The following EYA1 variants were observed in gnomAD, a reference collection of about 807,000 sequenced individuals.
EYA1 encodes protein phosphatase EYA1.
A neutral mutation model predicts 82.0 loss-of-function variants in EYA1; 16 were observed. The ratio of observed to expected loss-of-function variants is 0.20; its 90% CI spans 0.13 to 0.30. EYA1 has a LOEUF of 0.30. Ranked by LOEUF, EYA1 falls within the 10% of genes least tolerant of loss-of-function variation. EYA1 has a pLI of 1.00. For missense variants in EYA1, 633 were observed against 730.7 expected, an observed-to-expected ratio of 0.87 and a Z score of 1.54; for synonymous variants, 261 against 264.4, an observed-to-expected ratio of 0.99 and a Z score of 0.12.
In EYA1 at chr8:71,331,610, A is replaced by C. The variant is rs920271663; in HGVS notation, c.202+2487T>G. 2.9e-4 allele frequency among the ~76,000 whole-genome samples: 44 copies of C among 152,114 alleles called. No individual in the cohort carries two copies. In the East Asian group the frequency reaches 8.3e-3, roughly 29 times the overall value. ...AGAATCACTGTTAATTTTTAGACCC[A>C]TATACACAGGCCCATATATGTACAT... On this transcript the variant is annotated intron_variant, in intron 4 of 17. Coordinates refer to ENST00000340726, the MANE Select transcript of EYA1 (RefSeq NM_000503.6).
chr8:71,283,200 C>A (rs2128973115), intron 9 of EYA1, among the ~76,000 whole-genome samples: 1 of 152,230 alleles, frequency 6.6e-6, no homozygotes. Flanking sequence ...AAAAGCACAG[C>A]CCCACCTCCA....
At position 71,329,942 on chromosome 8, in the gene EYA1, C is replaced by T. The variant is rs933969697; in HGVS notation, c.202+4155G>A. On this transcript the variant is annotated intron_variant, in intron 4 of 17. Transcript: ENST00000340726. ...GCAGAGCTGCACCGAGTCAAGTGGT[C>T]AGGGTGGGCCTCGATGAGGTGAGAT... 2.7e-4 allele frequency among the ~76,000 whole-genome samples: 41 copies of T among 152,064 alleles called. 2 individuals carry two copies. The highest frequency in any genetic ancestry group is 2.7e-3 in the Admixed American group (41 of 15,272).
chr8:71,267,345 C>T (rs890989431), intron 11 of EYA1, among the ~76,000 whole-genome samples: 3 of 152,164 alleles, frequency 2.0e-5, no homozygotes, highest in Non-Finnish European at 4.4e-5. Flanking sequence ...GCTTACAACA[C>T]CCTTTCTCCT....
At chr8:71,408,074 G>A (rs372567867) in intron 2 of EYA1, among the ~76,000 whole-genome samples, 1 of 151,934 alleles carries the variant, frequency 6.6e-6, no homozygotes, top group Admixed American at 6.6e-5. Context: ...TATTCAACAT[G>A]CTTAAAGAAA....
intron 1 of EYA1, 123 bp downstream of exon 1, chr8:71,361,524 A>G (rs763871506): frequency 2.8e-6 from 1 of 361,676 alleles, no homozygotes; most frequent in Non-Finnish European, 3.8e-6. Flanking sequence ...TCCCCATGCC[A>G]TAATGTTTTT....
intron 3 of EYA1, among the ~76,000 whole-genome samples, chr8:71,335,991 T>C (rs1824441530): frequency 6.6e-6 from 1 of 152,192 alleles, no homozygotes; most frequent in African/African-American, 2.4e-5. Flanking sequence ...GTCAGTTATT[T>C]ATAGACATTA....
intron 12 of EYA1, among the ~76,000 whole-genome samples, chr8:71,242,508 A>ACTG (rs148914307): frequency 0.034 from 5,200 of 152,218 alleles, 294 homozygotes; most frequent in African/African-American, 0.12. Flanking sequence ...AACTTCATAG[A>ACTG]CTGCTTTTTC....
chr8:71,413,088 G>A (rs1830692467), intron 2 of EYA1, among the ~76,000 whole-genome samples: 1 of 152,234 alleles, frequency 6.6e-6, no homozygotes, highest in African/African-American at 2.4e-5. Context: ...GGAGTGAGAG[G>A]AGGGTGGATA....
intron 2 of EYA1, chr8:71,404,921 A>G (rs1411774785): frequency 6.8e-5 from 10 of 147,800 alleles, no homozygotes; most frequent in African/African-American, 2.6e-4. Context: ...CCACCTCAAA[A>G]AAAAAAAAAA....
chr8:71,533,024 C>CA (rs1204013396), intron 2 of EYA1, among the ~76,000 whole-genome samples: 1 of 152,184 alleles, frequency 6.6e-6, no homozygotes, highest in African/African-American at 2.4e-5. Context: ...AAGCCAGAAA[C>CA]ACACTGAGGA....
chr8:71,398,171 A>G (rs575432534), intron 2 of EYA1, among the ~76,000 whole-genome samples: 1 of 152,194 alleles, frequency 6.6e-6, no homozygotes, highest in East Asian at 1.9e-4. Context: ...TACACTGTTT[A>G]TTCTAGTTAG....
intron 2 of EYA1, among the ~76,000 whole-genome samples, chr8:71,386,853 T>C (rs1175750688): frequency 1.3e-5 from 2 of 152,168 alleles, no homozygotes; most frequent in African/African-American, 2.4e-5. Flanking sequence ...CAACCTGATG[T>C]AAGGATTCAA....
At chr8:71,515,434 C>T (rs1397746355) in intron 2 of EYA1, among the ~76,000 whole-genome samples, 1 of 151,840 alleles carries the variant, frequency 6.6e-6, no homozygotes, top group African/African-American at 2.4e-5. Flanking sequence ...TGTGTGAAAG[C>T]ATTCAGTTAA....
intron 2 of EYA1, among the ~76,000 whole-genome samples, chr8:71,385,117 C>G (rs1828905465): frequency 6.6e-6 from 1 of 152,050 alleles, no homozygotes. Flanking sequence ...TCAAGCAGTT[C>G]TCCTATCTGA....
At chr8:71,514,837 G>A (rs1812850734) in intron 2 of EYA1, among the ~76,000 whole-genome samples, 1 of 152,164 alleles carries the variant, frequency 6.6e-6, no homozygotes, top group Non-Finnish European at 1.5e-5. Flanking sequence ...AGTAGAATTT[G>A]AGGTAGCTTT....
intron 12 of EYA1, among the ~76,000 whole-genome samples, chr8:71,233,611 T>C (rs1421038203): frequency 6.6e-6 from 1 of 151,736 alleles, no homozygotes; most frequent in East Asian, 1.9e-4. Context: ...TTTCTTTTGA[T>C]ATACATACCT....
At chr8:71,466,777 A>G (rs540023239) in intron 2 of EYA1, among the ~76,000 whole-genome samples, 1 of 152,272 alleles carries the variant, frequency 6.6e-6, no homozygotes, top group East Asian at 1.9e-4. Context: ...TATGTTTACA[A>G]GAAGAAACTT....
intron 7 of EYA1, among the ~76,000 whole-genome samples, chr8:71,315,614 A>G (rs1279684293): frequency 1.3e-5 from 2 of 152,212 alleles, no homozygotes; most frequent in Non-Finnish European, 2.9e-5. Context: ...TGAAAGCTCT[A>G]TGAGCAAACA....
chr8:71,451,890 T>A (rs1475851985), intron 2 of EYA1, among the ~76,000 whole-genome samples: 1 of 152,090 alleles, frequency 6.6e-6, no homozygotes, highest in Non-Finnish European at 1.5e-5. Flanking sequence ...AGGTATCAGG[T>A]TCATCTCACT....
Sources: allele counts gnomAD v4.1 joint callset (sites outside exome capture counted in the v4.1 genomes callset), GRCh38; gene constraint gnomAD v4.1.1; transcripts MANE v1.5; gene names NCBI Gene and HGNC (gene_info 2026-07-23, HGNC 2026-07-21).